Variants in KCNIP4 observed in about 807,000 individuals in gnomAD.
KCNIP4 encodes the protein potassium voltage-gated channel interacting protein 4.
KCNIP4 carries 12 observed loss-of-function variants against 34.0 expected under a neutral mutation model. That is an observed-to-expected ratio of 0.35 (90% CI 0.23 to 0.57). The LOEUF is 0.57. KCNIP4 is among the 20% of genes least tolerant of loss of function. The pLI is 0.83. For missense variants in KCNIP4, 238 were observed against 311.7 expected (o/e 0.76, Z 1.78); for synonymous variants, 124 against 102.2 (o/e 1.21, Z -1.29).
intron 1 of KCNIP4, among the ~76,000 whole-genome samples, chr4:21,778,006 T>C (rs1349975367): frequency 2.0e-5 from 3 of 152,066 alleles, no homozygotes. Flanking sequence ...TTGATCATTA[T>C]AAATAACTAA....
chr4:21,012,080 G>T (rs1007951020), intron 1 of KCNIP4, among the ~76,000 whole-genome samples: 2 of 152,178 alleles, frequency 1.3e-5, no homozygotes, highest in African/African-American at 4.8e-5. Context: ...TTAAACAAGG[G>T]TGTCCAATTA....
intron 1 of KCNIP4, among the ~76,000 whole-genome samples, chr4:21,384,006 A>G (rs1401280074): frequency 6.6e-6 from 1 of 152,076 alleles, no homozygotes; most frequent in Non-Finnish European, 1.5e-5. Context: ...CCCCAGCCAC[A>G]TGGGCTTCTT....
chr4:21,700,473 A>T (rs1712741893), intron 1 of KCNIP4, among the ~76,000 whole-genome samples: 1 of 151,986 alleles, frequency 6.6e-6, no homozygotes, highest in African/African-American at 2.4e-5. Flanking sequence ...AGTTTCTTAC[A>T]TATTTTGGAT....
In KCNIP4 at chr4:20,729,531, T is replaced by TA. The variant is rs1560392872; in HGVS notation, c.*550dup. ...AAAAATGCCAGATAAAACTAATTTCTAACAGAAGGTGGGAAGGCCATAGAA... is the reference window on the plus strand; with the variant it reads ...AAAAATGCCAGATAAAACTAATTTCTAAACAGAAGGTGGGAAGGCCATAGAA... On this transcript the variant is annotated 3_prime_UTR_variant, in exon 9 of 9. Transcript: ENST00000382152. 11 of 145,072 alleles carry TA rather than the reference T, an allele frequency of 7.6e-5. No homozygotes were observed. The highest frequency in any genetic ancestry group is 9.3e-5 in the Non-Finnish European group (6 of 64,504). 9.0% of individuals were successfully genotyped at this position (145,072 alleles called of 1,614,324 possible).
intron 1 of KCNIP4, among the ~76,000 whole-genome samples, chr4:21,465,711 T>G (rs1454628593): frequency 6.6e-6 from 1 of 152,168 alleles, no homozygotes; most frequent in African/African-American, 2.4e-5. Flanking sequence ...TTTCACAGAA[T>G]TGTAGTGAGG....
chr4:20,958,692 C>T lies in KCNIP4; in HGVS notation c.62-75983G>A, dbSNP rs191653508. On this transcript the variant is annotated intron_variant, in intron 1 of 8. Transcript: ENST00000382152. Reference sequence around the variant, plus strand: ...TAGCATCTTTCCTAGGCGTTTGTTACAGAACCACGTAAAGAGCTCTACTAT... The same window carrying T: ...TAGCATCTTTCCTAGGCGTTTGTTATAGAACCACGTAAAGAGCTCTACTAT... 2.3e-4 allele frequency among the ~76,000 whole-genome samples: 35 copies of T among 152,292 alleles called. No homozygotes were observed. The South Asian group carries it at 4.3e-3, about 19-fold the overall frequency.
chr4:21,647,308 T>C (rs1022820226), intron 1 of KCNIP4, among the ~76,000 whole-genome samples: 3 of 152,118 alleles, frequency 2.0e-5, no homozygotes, highest in Admixed American at 6.5e-5. Flanking sequence ...GGAAACTGAT[T>C]ACTACAATTT....
chr4:21,359,782 C>T (rs1719026921), intron 1 of KCNIP4, among the ~76,000 whole-genome samples: 1 of 151,956 alleles, frequency 6.6e-6, no homozygotes, highest in Non-Finnish European at 1.5e-5. Flanking sequence ...GTGTTCTTGG[C>T]AATCAAATTG....
At chr4:21,768,086 C>T (rs2109184677) in intron 1 of KCNIP4, among the ~76,000 whole-genome samples, 1 of 152,170 alleles carries the variant, frequency 6.6e-6, no homozygotes, top group South Asian at 2.1e-4. Flanking sequence ...GTTACACCAC[C>T]AACTAGTGCC....
intron 1 of KCNIP4, among the ~76,000 whole-genome samples, chr4:21,069,922 A>G (rs891058239): frequency 9.2e-5 from 14 of 151,928 alleles, no homozygotes; most frequent in Admixed American, 3.3e-4. Flanking sequence ...AATCACCACT[A>G]TAATTAAGAT....
At chr4:20,805,606 A>G (rs1297765027) in intron 3 of KCNIP4, among the ~76,000 whole-genome samples, 1 of 152,182 alleles carries the variant, frequency 6.6e-6, no homozygotes, top group East Asian at 1.9e-4. Flanking sequence ...TTTATAAAGC[A>G]TCTGGCTTAT....
chr4:21,698,348 C>T (rs1442313586), intron 1 of KCNIP4, among the ~76,000 whole-genome samples: 2 of 152,160 alleles, frequency 1.3e-5, no homozygotes, highest in African/African-American at 4.8e-5. Context: ...CAACAGAGCT[C>T]CAAAACTAAT....
intron 1 of KCNIP4, among the ~76,000 whole-genome samples, chr4:21,891,554 G>A (rs1727092510): frequency 6.6e-6 from 1 of 152,062 alleles, no homozygotes; most frequent in Non-Finnish European, 1.5e-5. Context: ...CCAGTGTATT[G>A]TGTAGAGTGA....
intron 1 of KCNIP4, among the ~76,000 whole-genome samples, chr4:21,073,819 C>A (rs1052637823): frequency 1.3e-5 from 2 of 152,076 alleles, no homozygotes; most frequent in African/African-American, 4.8e-5. Flanking sequence ...CCATCAATAC[C>A]TAATTTATTG....
intron 1 of KCNIP4, among the ~76,000 whole-genome samples, chr4:21,226,441 G>T (rs745477569): frequency 2.2e-4 from 34 of 151,582 alleles, no homozygotes; most frequent in Non-Finnish European, 4.1e-4. Context: ...GGATTTTGAT[G>T]ATACAATTAT....
At chr4:21,171,821 T>A (rs1042262845) in intron 1 of KCNIP4, among the ~76,000 whole-genome samples, 1 of 152,302 alleles carries the variant, frequency 6.6e-6, no homozygotes, top group Non-Finnish European at 1.5e-5. Flanking sequence ...GCTCAGTTCA[T>A]GGTAGCTCTC....
intron 1 of KCNIP4, among the ~76,000 whole-genome samples, chr4:21,657,031 T>C (rs1269162159): frequency 6.6e-6 from 1 of 152,170 alleles, no homozygotes; most frequent in Non-Finnish European, 1.5e-5. Context: ...ACTGCTACCA[T>C]TTCCCTTCAT....
chr4:21,176,907 T>C (rs1754454814), intron 1 of KCNIP4, among the ~76,000 whole-genome samples: 1 of 152,258 alleles, frequency 6.6e-6, no homozygotes, highest in African/African-American at 2.4e-5. Context: ...TTCAAAGTTT[T>C]ATCTATCTCA....
intron 1 of KCNIP4, among the ~76,000 whole-genome samples, chr4:20,925,068 T>A (rs1729765510): frequency 6.6e-6 from 1 of 152,160 alleles, no homozygotes. Flanking sequence ...ATGGTCTGAA[T>A]CACTATTTTC....
Sources: gnomAD v4.1 joint callset for allele counts (sites outside exome capture counted in the v4.1 genomes callset) on GRCh38, gnomAD v4.1.1 for gene constraint, MANE v1.5 for transcripts, NCBI Gene and HGNC (gene_info 2026-07-23, HGNC 2026-07-21) for gene names.